Variants in REST observed in about 807,000 individuals in gnomAD.
REST encodes the protein RE1-silencing transcription factor.
Under a neutral mutation model 30.4 loss-of-function variants are expected in REST, and 1 was observed. The ratio of observed to expected loss-of-function variants is 0.03; its 90% CI spans 0.01 to 0.16. The LOEUF (loss-of-function observed/expected upper bound fraction) is 0.16. REST is among the 10% of genes least tolerant of loss of function. The probability of loss-of-function intolerance (pLI) is 1.00; values close to 1 mark genes in which losing one functional copy is unlikely to be tolerated. For synonymous variants in REST, 504 were observed against 451.1 expected (o/e 1.12, Z -1.49); for missense variants, 1,259 against 1,329.5 (o/e 0.95, Z 0.82).
At chr4:56,929,083 T>G (rs1578511648) in intron 3 of REST, among the ~76,000 whole-genome samples, 1 of 147,758 alleles carries the variant, frequency 6.8e-6, no homozygotes, top group Non-Finnish European at 1.5e-5. Context: ...TTTTTTTTTT[T>G]CTTTGAGACA....
In REST at chr4:56,930,733, C is replaced by T. The variant is rs151038956; in HGVS notation, c.1875C>T (p.Pro625=). The T allele has an allele frequency of 3.4e-4, 547 of 1,600,574 alleles. 1 individual carries two copies. Among genetic ancestry groups the T allele is most frequent in the African/African-American group, 8.3e-4 (61 of 73,724 alleles). The change falls in exon 4 of 4, where the codon CCC becomes CCT. Residue 625 remains proline (P), a synonymous_variant. Transcript: ENST00000309042. ...PAPTEAVQKG[P]VQVEPPPPME... is the part of the protein sequence containing the mutation. Reference sequence around the variant, plus strand: ...CCACAGAGGCGGTTCAGAAGGGGCCCGTTCAGGTGGAGCCGCCACCTCCCA... The same window carrying T: ...CCACAGAGGCGGTTCAGAAGGGGCCTGTTCAGGTGGAGCCGCCACCTCCCA...
At position 56,932,180 on chromosome 4, in the gene REST, T is replaced by C. The variant is rs1721001551; in HGVS notation, c.*28T>C. 6.4e-7 allele frequency: 1 copy of C among 1,571,762 alleles called. No individual in the cohort carries two copies. Among genetic ancestry groups the C allele is most frequent in the African/African-American group, 1.4e-5 (1 of 73,104 alleles). On this transcript the variant is annotated 3_prime_UTR_variant, in exon 4 of 4. Coordinates refer to ENST00000309042, the MANE Select transcript of REST (RefSeq NM_005612.5). ...AAACTTTGAACAAGGTTTCAGTTCTTAGTTTGTAAGGTATATTACATTTTA... is the reference window on the plus strand; with the variant it reads ...AAACTTTGAACAAGGTTTCAGTTCTCAGTTTGTAAGGTATATTACATTTTA...
At position 56,911,481 on chromosome 4, in the gene REST, C is replaced by T. The variant is rs751201019; in HGVS notation, c.843C>T (p.Cys281=). 6.2e-6 allele frequency: 10 copies of T among 1,613,824 alleles called. No homozygotes were observed. The highest frequency in any genetic ancestry group is 5.0e-5 in the Admixed American group (3 of 59,984). Residue 281 remains cysteine, a synonymous_variant, in exon 2 of 4, where the codon TGC becomes TGT. Coordinates refer to ENST00000309042, the MANE Select transcript of REST (RefSeq NM_005612.5). ...FPRKVYTCGK[C]NYFSDRKNNY... is the part of the protein sequence containing the mutation. Reference sequence around the variant, plus strand: ...GGAAAGTATACACATGTGGAAAATGCAACTATTTTTCAGACAGAAAAAACA... The same window carrying T: ...GGAAAGTATACACATGTGGAAAATGTAACTATTTTTCAGACAGAAAAAACA...
chr4:56,916,061 A>G (rs1294899748), intron 2 of REST, among the ~76,000 whole-genome samples: 3 of 148,332 alleles, frequency 2.0e-5, no homozygotes, highest in Non-Finnish European at 3.0e-5. Context: ...AGATTGTGCA[A>G]CTGCACTCCA....
intron 2 of REST, among the ~76,000 whole-genome samples, chr4:56,919,383 A>G (rs1720347135): frequency 6.6e-6 from 1 of 152,196 alleles, no homozygotes; most frequent in African/African-American, 2.4e-5. Flanking sequence ...AGTTAAAAAA[A>G]AAACCTAAAA....
In REST at chr4:56,935,521, C is replaced by T. The variant is rs907163293; in HGVS notation, c.*3369C>T. ...TTAGTTATTGAACTTTCTAAACTGG[C>T]ATTGAAACATTACAACAATGTTTTG... On this transcript the variant is annotated 3_prime_UTR_variant, in exon 4 of 4. Transcript: ENST00000309042. 4 of 152,180 alleles carry T rather than the reference C, an allele frequency of 2.6e-5. No individual in the cohort carries two copies. Among genetic ancestry groups the T allele is most frequent in the African/African-American group, 9.7e-5 (4 of 41,444 alleles). The allele number at this position is 152,180 out of a possible 1,614,324, so 9.4% of individuals were successfully genotyped here. A position where few individuals can be genotyped will look rare whatever the true frequency, so the allele number is the denominator to read the frequency against.
chr4:56,924,067 A>G (rs1352795618), intron 3 of REST, among the ~76,000 whole-genome samples: 1 of 152,094 alleles, frequency 6.6e-6, no homozygotes, highest in Non-Finnish European at 1.5e-5. Flanking sequence ...TGTGTTGCCC[A>G]GGCTGGCCTC....
At chr4:56,924,040 T>A (rs1030125735) in intron 3 of REST, among the ~76,000 whole-genome samples, 8 of 152,126 alleles carry the variant, frequency 5.3e-5, no homozygotes, top group Non-Finnish European at 1.0e-4. Flanking sequence ...TTTCTTTCTA[T>A]GGAGACTGGG....
intron 3 of REST, chr4:56,927,737 C>A: frequency 1.7e-6 from 1 of 588,402 alleles, no homozygotes; most frequent in Non-Finnish European, 2.5e-6. Flanking sequence ...TTTTATGTAT[C>A]AGTGATTGTG....
At chr4:56,916,434 T>C (rs1053445522) in intron 2 of REST, among the ~76,000 whole-genome samples, 3 of 152,092 alleles carry the variant, frequency 2.0e-5, no homozygotes, top group African/African-American at 7.2e-5. Context: ...GGCAGGCAGA[T>C]CACCTGAGGT....
chr4:56,916,594 G>A (rs1271486518), intron 2 of REST, among the ~76,000 whole-genome samples: 1 of 152,150 alleles, frequency 6.6e-6, no homozygotes, highest in Non-Finnish European at 1.5e-5. Context: ...CCAAAATCGC[G>A]CCACTGCACT....
At chr4:56,914,511 A>G (rs1266473814) in intron 2 of REST, among the ~76,000 whole-genome samples, 1 of 152,226 alleles carries the variant, frequency 6.6e-6, no homozygotes, top group Non-Finnish European at 1.5e-5. Context: ...AAGGTCAAGC[A>G]TTACAAAAAT....
chr4:56,910,908 A>G lies in REST; in HGVS notation c.270A>G (p.Gly90=). The G allele has an allele frequency of 6.2e-7, 1 of 1,614,212 alleles. No homozygotes were observed. Residue 90 remains glycine (G), a synonymous_variant, in exon 2 of 4, where the codon GGA becomes GGG. Transcript: ENST00000309042. Reference sequence around the variant, plus strand: ...ACAACTTTTCAGATAGTGAAGAAGGAGAAGGACTTGAAGAGTCTGCTGATA... The same window carrying G: ...ACAACTTTTCAGATAGTGAAGAAGGGGAAGGACTTGAAGAGTCTGCTGATA... ...GDNNFSDSEE[G]EGLEESADIK... is the part of the protein sequence containing the mutation.
Position 56,931,461 on chromosome 4 carries a change from C to G in REST, c.2603C>G (p.Pro868Arg). ...EDLSPPSPPL[P>R]KENLREEASG... Reference sequence around the variant, plus strand: ...CTCTCACCACCATCACCACCACTGCCAAAGGAAAATTTAAGAGAAGAGGCA... The same window carrying G: ...CTCTCACCACCATCACCACCACTGCGAAAGGAAAATTTAAGAGAAGAGGCA... The change falls in exon 4 of 4, where the codon CCA (proline) becomes CGA (arginine). Residue 868 changes from proline to arginine, a missense_variant. Transcript: ENST00000309042. 1 of 1,614,126 alleles carries G rather than the reference C, an allele frequency of 6.2e-7. No homozygotes were observed.
At chr4:56,923,364 C>T (rs1360715297) in intron 3 of REST, among the ~76,000 whole-genome samples, 1 of 152,188 alleles carries the variant, frequency 6.6e-6, no homozygotes, top group Non-Finnish European at 1.5e-5. Flanking sequence ...TATGCCTAGG[C>T]TCAAGCCATC....
chr4:56,917,213 G>A lies in REST; in HGVS notation c.899-2574G>A, dbSNP rs113395776. On this transcript the variant is annotated intron_variant, in intron 2 of 3. Coordinates refer to ENST00000309042, the MANE Select transcript of REST (RefSeq NM_005612.5). ...CTATCTTAATTGTTCCAGGTCATAA[G>A]GTAGGCATTCTGTTGCTACCAACTC... Among the ~76,000 whole-genome samples the A allele has an allele frequency of 3.6e-3, 548 of 152,264 alleles. 4 individuals are homozygous for A. The highest frequency in any genetic ancestry group is 0.013 in the African/African-American group (536 of 41,542).
intron 2 of REST, among the ~76,000 whole-genome samples, chr4:56,913,700 G>A (rs1240096525): frequency 6.6e-6 from 1 of 152,162 alleles, no homozygotes; most frequent in African/African-American, 2.4e-5. Context: ...CCAGGCTGGA[G>A]TGCAGTGACG....
In REST at chr4:56,932,227, A is replaced by C; in HGVS notation, c.*75A>C. ...TTTATATTCATTTATGATAGCAGAC[A>C]ACCTTTTAAGATTGCTTTAATTAGT... On this transcript the variant is annotated 3_prime_UTR_variant, in exon 4 of 4. Coordinates refer to ENST00000309042, the MANE Select transcript of REST (RefSeq NM_005612.5). The C allele has an allele frequency of 6.9e-7, 1 of 1,458,330 alleles. No individual in the cohort carries two copies. The highest frequency in any genetic ancestry group is 9.2e-7 in the Non-Finnish European group (1 of 1,087,066). 90.3% of individuals were successfully genotyped at this position (1,458,330 alleles called of 1,614,324 possible).
At chr4:56,911,590 G>A in intron 2 of REST, 54 bp downstream of exon 2, 2 of 1,443,838 alleles carry the variant, frequency 1.4e-6, no homozygotes, top group Non-Finnish European at 1.9e-6. Context: ...ATTGTTACTT[G>A]AGTGGTTAGT....
Sources: allele counts gnomAD v4.1 joint callset (sites outside exome capture counted in the v4.1 genomes callset), GRCh38; gene constraint gnomAD v4.1.1; transcripts MANE v1.5; gene names NCBI Gene and HGNC (gene_info 2026-07-23, HGNC 2026-07-21).